The following TMEM45A variants were observed in gnomAD, a reference collection of about 807,000 sequenced individuals.
TMEM45A encodes the protein DNA polymerase-transactivated protein 4.
TMEM45A carries 25 observed loss-of-function variants against 32.0 expected under a neutral mutation model. That is an observed-to-expected ratio of 0.78 (90% CI 0.57 to 1.09). The LOEUF (loss-of-function observed/expected upper bound fraction) is 1.09, where lower values mean the gene tolerates loss of function less well. Among genes scored for constraint, TMEM45A ranks in the 50% least tolerant of loss-of-function variants. The pLI is 0.00. For missense variants in TMEM45A, 302 were observed against 325.0 expected (o/e 0.93, Z 0.54); for synonymous variants, 122 against 114.8 (o/e 1.06, Z -0.40).
intron 1 of TMEM45A, among the ~76,000 whole-genome samples, chr3:100,545,843 C>G (rs890473790): frequency 6.6e-6 from 1 of 152,178 alleles, no homozygotes; most frequent in Non-Finnish European, 1.5e-5. Context: ...GTAGGCAGAA[C>G]AGTGTTCCTA....
intron 5 of TMEM45A, chr3:100,571,562 T>A (rs1353538069): frequency 6.6e-6 from 1 of 152,182 alleles, no homozygotes; most frequent in Non-Finnish European, 1.5e-5. Flanking sequence ...AAAACAAGAA[T>A]GAAGTTTTTG....
rs569214952 is a variant in TMEM45A, at chr3:100,496,403, A to C, written c.-4+3475A>C. On this transcript the variant is annotated intron_variant, in intron 1 of 5. Transcript: ENST00000323523. ...GAGGAGACAAGGGCAAAGGCAGTTT[A>C]AGAAATTTGCCCAAGATTACACAGT... is the stretch of plus-strand genomic sequence containing the variant. 2.0e-5 allele frequency among the ~76,000 whole-genome samples: 3 copies of C among 152,306 alleles called. No individual in the cohort carries two copies. The South Asian group carries it at 6.2e-4, about 32-fold the overall frequency.
At chr3:100,535,142 A>T (rs1202118956) in intron 1 of TMEM45A, among the ~76,000 whole-genome samples, 2 of 150,634 alleles carry the variant, frequency 1.3e-5, no homozygotes, top group Admixed American at 1.3e-4. Flanking sequence ...TTTTTTTGAG[A>T]TGGAGTCTCA....
At chr3:100,512,537 T>C (rs572116141) in intron 1 of TMEM45A, among the ~76,000 whole-genome samples, 7 of 152,134 alleles carry the variant, frequency 4.6e-5, no homozygotes, top group African/African-American at 1.7e-4. Flanking sequence ...GATCCAAAAT[T>C]GACACCCTAA....
At chr3:100,500,096 C>A (rs929120631) in intron 1 of TMEM45A, among the ~76,000 whole-genome samples, 3 of 152,058 alleles carry the variant, frequency 2.0e-5, no homozygotes, top group Non-Finnish European at 2.9e-5. Context: ...GGTTTCTTCC[C>A]TTCCACTACT....
intron 1 of TMEM45A, among the ~76,000 whole-genome samples, chr3:100,508,938 C>T (rs1185119978): frequency 1.3e-5 from 2 of 152,172 alleles, no homozygotes; most frequent in South Asian, 2.1e-4. Flanking sequence ...ACCTCAAAAG[C>T]ACACATAACA....
chr3:100,539,502 CGT>C (rs1705820397), intron 1 of TMEM45A, among the ~76,000 whole-genome samples: 3 of 56,682 alleles, frequency 5.3e-5, no homozygotes, highest in African/African-American at 1.4e-4. Flanking sequence ...TATACGTATA[CGT>C]ATACGTATAC....
At chr3:100,567,942 G>A (rs533363994) in intron 4 of TMEM45A, among the ~76,000 whole-genome samples, 3 of 152,144 alleles carry the variant, frequency 2.0e-5, no homozygotes, top group East Asian at 3.9e-4. Flanking sequence ...CTGCCACCAT[G>A]CCTGGCTAAT....
At chr3:100,552,975 T>A (rs1339007946) in intron 1 of TMEM45A, among the ~76,000 whole-genome samples, 1 of 152,206 alleles carries the variant, frequency 6.6e-6, no homozygotes, top group Non-Finnish European at 1.5e-5. Context: ...GCCAAATGAA[T>A]TGTATCAATG....
intron 1 of TMEM45A, among the ~76,000 whole-genome samples, chr3:100,530,755 A>G (rs1236036896): frequency 6.6e-6 from 1 of 152,248 alleles, no homozygotes; most frequent in African/African-American, 2.4e-5. Flanking sequence ...ATTAGGATCC[A>G]GATAAAGCCC....
At chr3:100,551,309 G>A (rs575461404) in intron 1 of TMEM45A, among the ~76,000 whole-genome samples, 1 of 152,132 alleles carries the variant, frequency 6.6e-6, no homozygotes, top group Non-Finnish European at 1.5e-5. Flanking sequence ...CACTGCGCCC[G>A]GCCGAACTGC....
chr3:100,518,070 T>C (rs905082121), intron 1 of TMEM45A, among the ~76,000 whole-genome samples: 2 of 152,198 alleles, frequency 1.3e-5, no homozygotes, highest in African/African-American at 4.8e-5. Flanking sequence ...TTAGTTCCAC[T>C]GAGACCCTGA....
chr3:100,559,691 C>T (rs983646601), intron 4 of TMEM45A, among the ~76,000 whole-genome samples: 5 of 151,786 alleles, frequency 3.3e-5, no homozygotes, highest in East Asian at 1.9e-4. Flanking sequence ...TAAAAATAGA[C>T]GGAAAACATT....
chr3:100,533,901 A>G (rs1484002055), intron 1 of TMEM45A, among the ~76,000 whole-genome samples: 1 of 152,180 alleles, frequency 6.6e-6, no homozygotes, highest in East Asian at 1.9e-4. Context: ...TGGTCTTTGT[A>G]TTAGAGTAGT....
intron 1 of TMEM45A, among the ~76,000 whole-genome samples, chr3:100,504,904 G>T (rs1462236377): frequency 6.6e-6 from 1 of 152,160 alleles, no homozygotes; most frequent in Non-Finnish European, 1.5e-5. Context: ...TGCCTCTCTG[G>T]TGAACTCAGC....
chr3:100,533,552 C>G (rs1367648393), intron 1 of TMEM45A, among the ~76,000 whole-genome samples: 1 of 152,116 alleles, frequency 6.6e-6, no homozygotes, highest in Non-Finnish European at 1.5e-5. Context: ...TTTGCCCTTC[C>G]CTTGGCACAC....
chr3:100,555,353 C>G lies in TMEM45A; in HGVS notation c.142C>G (p.Arg48Gly). 1 of 1,613,848 alleles carries G rather than the reference C, an allele frequency of 6.2e-7. No individual in the cohort carries two copies. The highest frequency in any genetic ancestry group is 8.5e-7 in the Non-Finnish European group (1 of 1,179,884). The change falls in exon 2 of 6, where the codon CGA (arginine) becomes GGA (glycine). Residue 48 changes from arginine to glycine, a missense_variant. By Grantham distance (125) the Arg-to-Gly change is moderately radical. Coordinates refer to ENST00000323523, the MANE Select transcript of TMEM45A (RefSeq NM_018004.3). ...CYLGSKTLFY[R>G]LEILEGITIV... ...TCTTGGTTCCAAAACATTATTCTAT[C>G]GATTGGAAATTTTGGAGGGAATTAC...
At chr3:100,500,042 A>C (rs943296290) in intron 1 of TMEM45A, among the ~76,000 whole-genome samples, 1 of 152,210 alleles carries the variant, frequency 6.6e-6, no homozygotes, top group Non-Finnish European at 1.5e-5. Flanking sequence ...AAAAATTGAA[A>C]TAGATTGTAG....
intron 1 of TMEM45A, among the ~76,000 whole-genome samples, chr3:100,506,102 G>T (rs545217204): frequency 1.3e-5 from 2 of 152,316 alleles, no homozygotes; most frequent in African/African-American, 4.8e-5. Context: ...GTGGGGGGAA[G>T]AGAACAGAGC....
Sources: gnomAD v4.1 joint callset for allele counts (sites outside exome capture counted in the v4.1 genomes callset) on GRCh38, gnomAD v4.1.1 for gene constraint, MANE v1.5 for transcripts, NCBI Gene and HGNC (gene_info 2026-07-23, HGNC 2026-07-21) for gene names.